CFAP61: variants seen among roughly 807,000 people sequenced by gnomAD.
CFAP61 encodes cilia and flagella associated protein 61.
Under a neutral mutation model 135.6 loss-of-function variants are expected in CFAP61, and 107 were observed. The ratio of observed to expected loss-of-function variants is 0.79; its 90% CI spans 0.67 to 0.93. The LOEUF is 0.93. Ranked by LOEUF, CFAP61 falls within the 40% of genes least tolerant of loss-of-function variation. The pLI, the probability that CFAP61 is intolerant of heterozygous loss-of-function variation, is 0.00. For missense variants in CFAP61, 1,507 were observed against 1,556.2 expected (o/e 0.97, Z 0.53); for synonymous variants, 575 against 578.5 (o/e 0.99, Z 0.09).
At chr20:20,260,714 A>G (rs1017225932) in intron 20 of CFAP61, among the ~76,000 whole-genome samples, 1 of 152,226 alleles carries the variant, frequency 6.6e-6, no homozygotes, top group Non-Finnish European at 1.5e-5. Flanking sequence ...CCACTACTTG[A>G]AATGATAACT....
At chr20:20,109,195 ATG>A (rs1380519079) in intron 8 of CFAP61, among the ~76,000 whole-genome samples, 4 of 152,130 alleles carry the variant, frequency 2.6e-5, no homozygotes, top group African/African-American at 9.7e-5. Flanking sequence ...ACTGATGATG[ATG>A]TGTGTCACTT....
At position 20,360,443 on chromosome 20, in the gene CFAP61, T is replaced by C; in HGVS notation, c.*33T>C. 6 of 1,589,068 alleles carry C rather than the reference T, an allele frequency of 3.8e-6. No individual in the cohort carries two copies. The highest frequency in any genetic ancestry group is 5.2e-6 in the Non-Finnish European group (6 of 1,162,002). On this transcript the variant is annotated 3_prime_UTR_variant, in exon 27 of 27. Coordinates refer to ENST00000245957, the MANE Select transcript of CFAP61 (RefSeq NM_015585.4). ...CAGGGTCTCCCCTTTATGGTTTTCA[T>C]TTATTTAGTTCCTGGAAACGCGCTC...
intron 25 of CFAP61, among the ~76,000 whole-genome samples, chr20:20,334,650 A>G (rs946050253): frequency 2.0e-5 from 3 of 152,218 alleles, no homozygotes; most frequent in African/African-American, 4.8e-5. Flanking sequence ...CAGCCAAATT[A>G]TATTTCGAGG....
chr20:20,109,127 G>C (rs2146664798), intron 8 of CFAP61, among the ~76,000 whole-genome samples: 1 of 152,208 alleles, frequency 6.6e-6, no homozygotes, highest in East Asian at 1.9e-4. Flanking sequence ...CATGCATGTG[G>C]AACTCTGGGC....
chr20:20,131,245 G>A (rs908244455), intron 8 of CFAP61, among the ~76,000 whole-genome samples: 6 of 151,782 alleles, frequency 4.0e-5, no homozygotes, highest in Non-Finnish European at 5.9e-5. Context: ...ATGGGGAGGG[G>A]GAGTAAAGCC....
intron 23 of CFAP61, among the ~76,000 whole-genome samples, chr20:20,289,210 A>G (rs1353779365): frequency 6.6e-6 from 1 of 152,198 alleles, no homozygotes; most frequent in Non-Finnish European, 1.5e-5. Context: ...AGACAAGGGA[A>G]TGATTATTAA....
At chr20:20,201,475 G>A (rs1490964911) in intron 17 of CFAP61, among the ~76,000 whole-genome samples, 2 of 152,158 alleles carry the variant, frequency 1.3e-5, no homozygotes, top group Admixed American at 1.3e-4. Context: ...TAAGTAGCAG[G>A]GTCCACAGCA....
intron 6 of CFAP61, among the ~76,000 whole-genome samples, chr20:20,080,463 T>C (rs189246890): frequency 1.3e-5 from 2 of 152,330 alleles, no homozygotes; most frequent in Admixed American, 1.3e-4. Context: ...TTACCACTTT[T>C]TCTATAAAAA....
intron 18 of CFAP61, among the ~76,000 whole-genome samples, chr20:20,231,677 C>T (rs2049148594): frequency 6.6e-6 from 1 of 152,198 alleles, no homozygotes; most frequent in African/African-American, 2.4e-5. Flanking sequence ...GTCACCTGCC[C>T]AGCCAGCGCA....
intron 8 of CFAP61, among the ~76,000 whole-genome samples, chr20:20,103,921 A>T (rs920360514): frequency 5.3e-5 from 8 of 152,238 alleles, no homozygotes; most frequent in African/African-American, 1.9e-4. Context: ...AAAACAAGCA[A>T]AAAACAAAAC....
At chr20:20,305,538 A>G (rs903724350) in intron 25 of CFAP61, among the ~76,000 whole-genome samples, 1 of 152,170 alleles carries the variant, frequency 6.6e-6, no homozygotes, top group Non-Finnish European at 1.5e-5. Context: ...GTCCATACCT[A>G]AAAGGTGGTG....
chr20:20,054,490 T>G (rs184691861), intron 1 of CFAP61, among the ~76,000 whole-genome samples: 1 of 152,300 alleles, frequency 6.6e-6, no homozygotes, highest in East Asian at 1.9e-4. Flanking sequence ...TTTTAAACAT[T>G]TTTTAAAAAT....
chr20:20,095,156 A>G (rs1309979850), intron 7 of CFAP61, among the ~76,000 whole-genome samples: 1 of 152,096 alleles, frequency 6.6e-6, no homozygotes, highest in African/African-American at 2.4e-5. Flanking sequence ...GTCTCTATAC[A>G]GTAGATATAA....
intron 26 of CFAP61, among the ~76,000 whole-genome samples, chr20:20,349,925 G>A (rs1485450276): frequency 1.3e-5 from 2 of 152,250 alleles, no homozygotes; most frequent in South Asian, 2.1e-4. Context: ...ACTCCAAATA[G>A]CCAAAACTAT....
Position 20,151,467 on chromosome 20 carries a change from C to T in CFAP61, c.952-7903C>T, listed in dbSNP as rs144861709. ...AGAAGAGAAATCTAAGTTTGGAAAA[C>T]ATATATGAGGGAATAATCAAGGAAA... On this transcript the variant is annotated intron_variant, in intron 9 of 26. Coordinates refer to ENST00000245957, the MANE Select transcript of CFAP61 (RefSeq NM_015585.4). Among the ~76,000 whole-genome samples the T allele has an allele frequency of 2.7e-4, 41 of 151,960 alleles. No individual in the cohort carries two copies. The East Asian group carries it at 7.9e-3, about 29-fold the overall frequency.
intron 2 of CFAP61, among the ~76,000 whole-genome samples, chr20:20,059,056 C>G (rs1469204110): frequency 6.6e-6 from 1 of 152,088 alleles, no homozygotes; most frequent in African/African-American, 2.4e-5. Flanking sequence ...GAAGGCCGGA[C>G]ACAGTGGCTC....
At chr20:20,280,613 T>G (rs906899067) in intron 22 of CFAP61, among the ~76,000 whole-genome samples, 2 of 152,360 alleles carry the variant, frequency 1.3e-5, no homozygotes, top group African/African-American at 4.8e-5. Flanking sequence ...GTTCATTCTT[T>G]TTTATGGCTA....
chr20:20,132,539 A>G (rs1256443744), intron 8 of CFAP61, among the ~76,000 whole-genome samples: 9 of 152,048 alleles, frequency 5.9e-5, no homozygotes. Context: ...TTTGCTAATA[A>G]TGTCATATTT....
At chr20:20,247,376 C>T (rs1204063261) in intron 19 of CFAP61, among the ~76,000 whole-genome samples, 2 of 152,178 alleles carry the variant, frequency 1.3e-5, no homozygotes, top group Non-Finnish European at 2.9e-5. Flanking sequence ...AGGTGTGACG[C>T]TGCGTGGGCA....
Sources: gnomAD v4.1 joint callset for allele counts (sites outside exome capture counted in the v4.1 genomes callset) on GRCh38, gnomAD v4.1.1 for gene constraint, MANE v1.5 for transcripts, NCBI Gene and HGNC (gene_info 2026-07-23, HGNC 2026-07-21) for gene names.